The following MTPAP variants were observed in gnomAD, a reference collection of about 807,000 sequenced individuals.
MTPAP encodes poly(A) RNA polymerase, mitochondrial.
Under a neutral mutation model 48.7 loss-of-function variants are expected in MTPAP, and 23 were observed. The ratio of observed to expected loss-of-function variants is 0.47; its 90% confidence interval spans 0.34 to 0.67. The LOEUF is 0.67. MTPAP is among the 30% of genes least tolerant of loss of function. The pLI, the probability that MTPAP is intolerant of heterozygous loss-of-function variation, is 0.01. For missense variants in MTPAP, 614 were observed against 694.3 expected, an observed-to-expected ratio of 0.88 and a Z score of 1.30; for synonymous variants, 257 against 254.1, an observed-to-expected ratio of 1.01 and a Z score of -0.11.
chr10:30,333,720 C>T (rs11007994), intron 4 of MTPAP, among the ~76,000 whole-genome samples: 14,980 of 151,884 alleles, frequency 0.099, 995 homozygotes, highest in Non-Finnish European at 0.12. Flanking sequence ...TTCGAGACCA[C>T]CCTGGGCAAC....
In MTPAP at chr10:30,313,246, C is replaced by T; in HGVS notation, c.*363G>A. On this transcript the variant is annotated 3_prime_UTR_variant, in exon 9 of 9. Transcript: ENST00000263063. ...ACATTACAATAATCTTTCACCCATT[C>T]CTTGTGGCTTATGTTTATTTTCATT... The T allele has an allele frequency of 4.1e-6, 1 of 246,864 alleles. No homozygotes were observed. The highest frequency in any genetic ancestry group is 6.0e-5 in the South Asian group (1 of 16,728). The allele number at this position is 246,864 out of a possible 1,614,324, so 15.3% of individuals were successfully genotyped here.
chr10:30,325,840 C>T (rs186179880), intron 5 of MTPAP, among the ~76,000 whole-genome samples: 1 of 151,764 alleles, frequency 6.6e-6, no homozygotes, highest in East Asian at 2.0e-4. Flanking sequence ...TTTTCCCACC[C>T]CACTTTTTTA....
At chr10:30,340,866 C>A (rs372562876) in intron 2 of MTPAP, among the ~76,000 whole-genome samples, 4 of 152,172 alleles carry the variant, frequency 2.6e-5, no homozygotes, top group African/African-American at 9.6e-5. Flanking sequence ...TTGCAATGAC[C>A]CAAGATCATG....
In MTPAP at chr10:30,324,827, C is replaced by T. The variant is rs565268893; in HGVS notation, c.992+1597G>A. On this transcript the variant is annotated intron_variant, in intron 5 of 8. Transcript: ENST00000263063. ...GACCAGCCTGGCCAACATGATGAAA[C>T]CCTGTCTCTACAAAAATTAGCCAGC... Among the ~76,000 whole-genome samples, 12 of 152,130 alleles carry T rather than the reference C, an allele frequency of 7.9e-5. 1 individual carries two copies. The South Asian group carries it at 2.5e-3, about 32-fold the overall frequency.
rs1229995781 is a variant in MTPAP at position 30,310,941 on chromosome 10, A to G, written c.*2668T>C. On this transcript the variant is annotated 3_prime_UTR_variant, in exon 9 of 9. Transcript: ENST00000263063. ...ACAAGTCTTTGTAGATTTAAAATTA[A>G]TCACATAATTAAATCTGATTCTGAA... 1 of 152,138 alleles carries G rather than the reference A, an allele frequency of 6.6e-6. No homozygotes were observed. Among genetic ancestry groups the G allele is most frequent in the East Asian group, 1.9e-4 (1 of 5,196 alleles). The allele number at this position is 152,138 out of a possible 1,614,324, so 9.4% of individuals were successfully genotyped here. A position where few individuals can be genotyped will look rare whatever the true frequency, so the allele number is the denominator to read the frequency against.
intron 1 of MTPAP, among the ~76,000 whole-genome samples, chr10:30,342,010 G>A (rs950412939): frequency 2.0e-5 from 3 of 152,156 alleles, no homozygotes; most frequent in Non-Finnish European, 4.4e-5. Flanking sequence ...AGGCTGAGGT[G>A]GGTGGATCAC....
rs937592748 is a variant in MTPAP, at chr10:30,345,320, T to G, written c.158-3680A>C. On this transcript the variant is annotated intron_variant, in intron 1 of 8. Coordinates refer to ENST00000263063, the MANE Select transcript of MTPAP (RefSeq NM_018109.4). ...GTATTTATCATAGTTTAGCCAAATC[T>G]CTATTGATAAATATTTAGGTGGTTT... Among the ~76,000 whole-genome samples, 16 of 152,336 alleles carry G rather than the reference T, an allele frequency of 1.1e-4. No individual in the cohort carries two copies. The East Asian group carries it at 2.9e-3, about 28-fold the overall frequency.
chr10:30,311,676 T>G lies in MTPAP; in HGVS notation c.*1933A>C, dbSNP rs1021519420. The G allele has an allele frequency of 6.6e-6, 1 of 152,310 alleles. No homozygotes were observed. Among genetic ancestry groups the G allele is most frequent in the Non-Finnish European group, 1.5e-5 (1 of 68,116 alleles). The allele number at this position is 152,310 out of a possible 1,614,324, so 9.4% of individuals were successfully genotyped here. On this transcript the variant is annotated 3_prime_UTR_variant, in exon 9 of 9. Coordinates refer to ENST00000263063, the MANE Select transcript of MTPAP (RefSeq NM_018109.4). Reference sequence around the variant, plus strand: ...GTTTTTAAACACTATACTACTTGCTTCTTTTCCTTTGAGAGAGTCTCACTG... The same window carrying G: ...GTTTTTAAACACTATACTACTTGCTGCTTTTCCTTTGAGAGAGTCTCACTG...
At position 30,313,690 on chromosome 10, in the gene MTPAP, G is replaced by C. The variant is rs1164054837; in HGVS notation, c.1668C>G (p.Asn556Lys). The change falls in exon 9 of 9, where the codon AAC (asparagine) becomes AAG (lysine). Residue 556 changes from asparagine to lysine, a missense_variant. By Grantham distance (94) the Asn-to-Lys change is moderately conservative. Coordinates refer to ENST00000263063, the MANE Select transcript of MTPAP (RefSeq NM_018109.4). Reference sequence around the variant, plus strand: ...TGTTACCTTTTAAAGATTCTAGCAAGTTTTTGACTGTTTCAATTGCAAACT... The same window carrying C: ...TGTTACCTTTTAAAGATTCTAGCAACTTTTTGACTGTTTCAATTGCAAACT... ...SNKFAIETVK[N>K]LLESLKGNRT... 1 of 1,614,116 alleles carries C rather than the reference G, an allele frequency of 6.2e-7. No homozygotes were observed.
chr10:30,323,128 CAAA>C (rs201987154), intron 5 of MTPAP, among the ~76,000 whole-genome samples: 3 of 86,520 alleles, frequency 3.5e-5, no homozygotes, highest in African/African-American at 4.9e-5. Flanking sequence ...GACTCCGTTT[CAAA>C]AAAAAAAAAA....
At chr10:30,342,351 T>C (rs1428772301) in intron 1 of MTPAP, among the ~76,000 whole-genome samples, 1 of 152,206 alleles carries the variant, frequency 6.6e-6, no homozygotes, top group Non-Finnish European at 1.5e-5. Flanking sequence ...CATATTGTAC[T>C]GTGCTCACCT....
At chr10:30,333,595 T>TAC (rs1478262204) in intron 4 of MTPAP, among the ~76,000 whole-genome samples, 1 of 152,196 alleles carries the variant, frequency 6.6e-6, no homozygotes, top group Non-Finnish European at 1.5e-5. Context: ...TATTTTCAAG[T>TAC]ACATGTTAGT....
intron 6 of MTPAP, among the ~76,000 whole-genome samples, chr10:30,321,731 T>C (rs983434693): frequency 6.6e-6 from 1 of 152,232 alleles, no homozygotes; most frequent in Non-Finnish European, 1.5e-5. Flanking sequence ...GCAGCAATTA[T>C]GTAAGACGGG....
chr10:30,322,607 T>A lies in MTPAP; in HGVS notation c.1003A>T (p.Thr335Ser), dbSNP rs1048802082. 1.2e-6 allele frequency: 2 copies of A among 1,609,458 alleles called. No homozygotes were observed. The highest frequency in any genetic ancestry group is 1.7e-5 in the Admixed American group (1 of 59,836). ...DLTTNNRIAL[T>S]SSELLYIYGA... ...TATATATAAAGGAGTTCGGAACTTG[T>A]CAAGGCAATCCTTCAAAAAATAAAA... is the stretch of plus-strand genomic sequence containing the variant. Residue 335 changes from threonine (T) to serine (S), a missense_variant, in exon 6 of 9, where the codon ACA becomes TCA. Around this residue, in one of 5 missense-constraint regions of MTPAP, gnomAD observed 261 missense variants for 355.4 expected, o/e 0.73. Transcript: ENST00000263063.
At chr10:30,348,916 A>C (rs1240406131) in intron 1 of MTPAP, 4 of 670,814 alleles carry the variant, frequency 6.0e-6, no homozygotes, top group Non-Finnish European at 1.0e-5. Context: ...CCCCAAACAA[A>C]CATCACACAT....
chr10:30,341,235 T>C (rs1834802501), intron 2 of MTPAP, among the ~76,000 whole-genome samples: 1 of 152,066 alleles, frequency 6.6e-6, no homozygotes, highest in Non-Finnish European at 1.5e-5. Flanking sequence ...AAAAATAAAA[T>C]TAAGCATTCA....
chr10:30,345,724 A>C (rs1019762720), intron 1 of MTPAP, among the ~76,000 whole-genome samples: 2 of 152,208 alleles, frequency 1.3e-5, no homozygotes, highest in Non-Finnish European at 2.9e-5. Context: ...TTGATAATAC[A>C]ATATGGTAAG....
rs183316211 is a variant in MTPAP at position 30,348,994 on chromosome 10, C to G, written c.157+125G>C. On this transcript the variant is annotated intron_variant, in intron 1 of 8. Coordinates refer to ENST00000263063, the MANE Select transcript of MTPAP (RefSeq NM_018109.4). ...ACAGAGATCAGAGGAGAGGAGAGGA[C>G]AGGACACAGCCCCACCCTCTTGCCA... The G allele has an allele frequency of 4.6e-4, 645 of 1,402,284 alleles. 1 individual carries two copies. In the African/African-American group the frequency reaches 7.4e-3, roughly 16 times the overall value. The allele number at this position is 1,402,284 out of a possible 1,614,324, so 86.9% of individuals were successfully genotyped here. A position where few individuals can be genotyped will look rare whatever the true frequency, so the allele number is the denominator to read the frequency against.
In MTPAP at chr10:30,341,766, C is replaced by A; in HGVS notation, c.158-126G>T. ...CTTCACCTAATCTATTTTTTCTCTT[C>A]CTTTATAAGGGTTAAACTATACTAC... is the stretch of plus-strand genomic sequence containing the variant. On this transcript the variant is annotated intron_variant, in intron 1 of 8. Coordinates refer to ENST00000263063, the MANE Select transcript of MTPAP (RefSeq NM_018109.4). 3 of 1,003,472 alleles carry A rather than the reference C, an allele frequency of 3.0e-6. No homozygotes were observed. In the South Asian group the frequency reaches 4.0e-5, roughly 13 times the overall value. The allele number at this position is 1,003,472 out of a possible 1,614,324, so 62.2% of individuals were successfully genotyped here.
Sources: gnomAD v4.1 joint callset for allele counts (sites outside exome capture counted in the v4.1 genomes callset) on GRCh38, gnomAD v4.1.1 for gene constraint, gnomAD v4.1.1 regional missense constraint, MANE v1.5 for transcripts, NCBI Gene and HGNC (gene_info 2026-07-23, HGNC 2026-07-21) for gene names.